Variants in C12orf42 observed in about 807,000 individuals in gnomAD.
The protein encoded by C12orf42 is uncharacterized protein C12orf42.
Under a neutral mutation model 21.6 loss-of-function variants are expected in C12orf42, and 25 were observed. The observed-to-expected ratio is 1.16, with a 90% CI of 0.84 to 1.62. The LOEUF is 1.62. C12orf42 is among the 40% of genes most tolerant of loss of function. The probability of loss-of-function intolerance (pLI) is 0.00; values close to 1 mark genes in which losing one functional copy is unlikely to be tolerated. For synonymous variants in C12orf42, 174 were observed against 175.0 expected (o/e 0.99, Z 0.05); for missense variants, 483 against 459.3 (o/e 1.05, Z -0.47).
intron 2 of C12orf42, among the ~76,000 whole-genome samples, chr12:103,456,708 A>C (rs564022615): frequency 1.3e-5 from 2 of 152,166 alleles, no homozygotes; most frequent in Non-Finnish European, 2.9e-5. Flanking sequence ...ATGAAAATCA[A>C]CTATTGCTTA....
intron 4 of C12orf42, chr12:103,368,195 T>G: frequency 1.9e-6 from 1 of 534,200 alleles, no homozygotes; most frequent in Non-Finnish European, 3.3e-6. Flanking sequence ...CAATTATATA[T>G]CTTTTGGGCT....
intron 2 of C12orf42, among the ~76,000 whole-genome samples, chr12:103,440,280 G>A (rs1322392439): frequency 2.9e-5 from 3 of 104,418 alleles, no homozygotes; most frequent in African/African-American, 1.1e-4. Context: ...AGGGGGGAGG[G>A]ATAGCATTGG....
chr12:103,454,300 T>G (rs1259676829), intron 2 of C12orf42, among the ~76,000 whole-genome samples: 1 of 152,062 alleles, frequency 6.6e-6, no homozygotes, highest in Non-Finnish European at 1.5e-5. Flanking sequence ...AAACTGGAGT[T>G]TCAACAGGAC....
the C12orf42 span, among the ~76,000 whole-genome samples, chr12:103,089,117 A>AAAG: frequency 6.6e-6 from 1 of 150,848 alleles, no homozygotes; most frequent in East Asian, 1.9e-4. Flanking sequence ...AAAAAAAAAA[A>AAAG]AAAAAAAGAA....
At chr12:103,431,241 T>C (rs1340379210) in intron 2 of C12orf42, 3 of 152,194 alleles carry the variant, frequency 2.0e-5, no homozygotes, top group Non-Finnish European at 4.4e-5. Flanking sequence ...ATACCATTAT[T>C]TCCATTTTCT....
intron 1 of C12orf42, among the ~76,000 whole-genome samples, chr12:103,485,346 T>A (rs1433318652): frequency 6.6e-6 from 1 of 152,224 alleles, no homozygotes; most frequent in Non-Finnish European, 1.5e-5. Flanking sequence ...TGTTTTTGTA[T>A]CAGAAACATG....
intron 4 of C12orf42, among the ~76,000 whole-genome samples, chr12:103,332,389 C>T (rs1384755023): frequency 6.6e-6 from 1 of 152,196 alleles, no homozygotes; most frequent in Non-Finnish European, 1.5e-5. Flanking sequence ...ATTTCTTAGA[C>T]AGTGAAGTGC....
intron 4 of C12orf42, among the ~76,000 whole-genome samples, chr12:103,287,716 A>C (rs1356801919): frequency 1.3e-5 from 2 of 151,912 alleles, no homozygotes; most frequent in Admixed American, 6.6e-5. Context: ...AATAAAAAAA[A>C]AAAACAAAAA....
At chr12:103,161,670 A>G in the C12orf42 span, 2 of 152,184 alleles carry the variant, frequency 1.3e-5, no homozygotes, top group East Asian at 1.9e-4. Flanking sequence ...CCAAATTCTA[A>G]AAAAATAAAA....
chr12:103,273,880 T>C, intron 5 of C12orf42: 1 of 456,246 alleles, frequency 2.2e-6, no homozygotes, highest in Non-Finnish European at 4.4e-6. Context: ...AGTGGCTATT[T>C]TACCTAGAAA....
chr12:103,294,690 G>A (rs1440688132), intron 4 of C12orf42, among the ~76,000 whole-genome samples: 1 of 152,166 alleles, frequency 6.6e-6, no homozygotes, highest in African/African-American at 2.4e-5. Flanking sequence ...GAAAAAGGAT[G>A]GAAGCAGAGA....
At chr12:103,233,572 G>C (rs1191509869), downstream of C12orf42, among the ~76,000 whole-genome samples, 3 of 152,110 alleles carry the variant, frequency 2.0e-5, no homozygotes, top group Admixed American at 2.0e-4. Flanking sequence ...ACTTAATTTA[G>C]GGGTAGTGCT....
intron 3 of C12orf42, chr12:103,378,598 A>G (rs1264953497): frequency 2.0e-5 from 3 of 152,232 alleles, no homozygotes; most frequent in East Asian, 1.9e-4. Context: ...ACCTCAGCCA[A>G]TGAAACAGAA....
chr12:103,465,643 G>A (rs1414788614), intron 2 of C12orf42, among the ~76,000 whole-genome samples: 4 of 152,074 alleles, frequency 2.6e-5, no homozygotes, highest in African/African-American at 7.2e-5. Context: ...TATGTTGAAC[G>A]AGAGTGGTGA....
At chr12:103,376,358 A>G (rs1047967287) in intron 3 of C12orf42, among the ~76,000 whole-genome samples, 2 of 152,146 alleles carry the variant, frequency 1.3e-5, no homozygotes, top group African/African-American at 4.8e-5. Context: ...TTGAACAATG[A>G]AAACACACGG....
At chr12:103,199,384 G>A in the C12orf42 span, among the ~76,000 whole-genome samples, 1 of 151,842 alleles carries the variant, frequency 6.6e-6, no homozygotes, top group Non-Finnish European at 1.5e-5. Flanking sequence ...TAAGCATAAG[G>A]GAAACCTTTT....
the C12orf42 span, among the ~76,000 whole-genome samples, chr12:103,184,401 T>C: frequency 1.3e-5 from 2 of 152,316 alleles, no homozygotes; most frequent in Admixed American, 1.3e-4. Context: ...TGGTATATCT[T>C]TTTCCATCCT....
At chr12:103,270,510 ATTTATTTTTATT>A (rs201243040) in intron 5 of C12orf42, among the ~76,000 whole-genome samples, 3 of 150,800 alleles carry the variant, frequency 2.0e-5, no homozygotes, top group Non-Finnish European at 3.0e-5. Flanking sequence ...TCCCAAAGAT[ATTTATTTTTATT>A]TTTATTTTTA....
At chr12:103,481,536 T>C (rs1228265136) in intron 1 of C12orf42, among the ~76,000 whole-genome samples, 1 of 151,958 alleles carries the variant, frequency 6.6e-6, no homozygotes, top group African/African-American at 2.4e-5. Flanking sequence ...ATTGGTATTT[T>C]TGTGGGCTAC....
Sources: gnomAD v4.1 joint callset for allele counts (sites outside exome capture counted in the v4.1 genomes callset) on GRCh38, gnomAD v4.1.1 for gene constraint, MANE v1.5 for transcripts, NCBI Gene and HGNC (gene_info 2026-07-23, HGNC 2026-07-21) for gene names.